The following AZIN1 variants were observed in gnomAD, a reference collection of about 807,000 sequenced individuals.
AZIN1 encodes the protein antizyme inhibitor 1, also known as ornithine decarboxylase antizyme inhibitor.
A neutral mutation model predicts 47.4 loss-of-function variants in AZIN1; 12 were observed. The ratio of observed to expected loss-of-function variants is 0.25; its 90% CI spans 0.16 to 0.41. The LOEUF (loss-of-function observed/expected upper bound fraction) is 0.41. Ranked by LOEUF, AZIN1 falls within the 10% of genes least tolerant of loss-of-function variation. The probability of loss-of-function intolerance (pLI) is 1.00; values close to 1 mark genes in which losing one functional copy is unlikely to be tolerated. For synonymous variants in AZIN1, 155 were observed against 176.3 expected (o/e 0.88, Z 0.96); for missense variants, 410 against 532.4 (o/e 0.77, Z 2.26).
chr8:102,859,066 A>G (rs1467838406), intron 1 of AZIN1: 1 of 152,236 alleles, frequency 6.6e-6, no homozygotes, highest in East Asian at 1.9e-4. Context: ...CACTGTAGGC[A>G]TACCTAAAGT....
At chr8:102,844,345 A>G (rs1393744526) in intron 2 of AZIN1, among the ~76,000 whole-genome samples, 1 of 42,106 alleles carries the variant, frequency 2.4e-5, no homozygotes, top group East Asian at 6.4e-4. Context: ...CGTCTCTCCT[A>G]AAAAAAAAAA....
intron 2 of AZIN1, among the ~76,000 whole-genome samples, chr8:102,847,513 G>C (rs1222714877): frequency 6.6e-6 from 1 of 151,890 alleles, no homozygotes. Context: ...CTTAAACTTA[G>C]GGGTGGTGGT....
chr8:102,848,812 T>G (rs2570942), intron 2 of AZIN1, among the ~76,000 whole-genome samples: 57,161 of 152,122 alleles, frequency 0.38, 11,702 homozygotes, highest in South Asian at 0.46. Context: ...TTGTGACATT[T>G]ATGCCTTACT....
chr8:102,829,101 C>T (rs1811277873), intron 11 of AZIN1, among the ~76,000 whole-genome samples, 171 bp downstream of exon 11: 1 of 152,190 alleles, frequency 6.6e-6, no homozygotes, highest in Non-Finnish European at 1.5e-5. Context: ...ATCATACAAT[C>T]GCCTAATGTT....
At chr8:102,860,978 G>A (rs1398424673) in intron 1 of AZIN1, among the ~76,000 whole-genome samples, 2 of 152,124 alleles carry the variant, frequency 1.3e-5, no homozygotes, top group African/African-American at 4.8e-5. Flanking sequence ...AAACTGGGAA[G>A]ACATGACAAC....
chr8:102,829,189 A>G, intron 11 of AZIN1, 83 bp downstream of exon 11: 1 of 1,190,568 alleles, frequency 8.4e-7, no homozygotes. Flanking sequence ...TAAGTTTAGC[A>G]TTCATTACAG....
At chr8:102,831,615 C>A (rs1243305544) in intron 9 of AZIN1, among the ~76,000 whole-genome samples, 1 of 136,774 alleles carries the variant, frequency 7.3e-6, no homozygotes, top group Non-Finnish European at 1.5e-5. Context: ...TGCATTCCAG[C>A]TTGGGCAACA....
chr8:102,834,683 A>G lies in AZIN1; in HGVS notation c.649T>C (p.Cys217Arg). ...GAACTTACAGCCATGTCAAACACAC[A>G]TCGAGCATCAGATAGAGCATGTACA... ...VYVHALSDAR[C>R]VFDMAGEIGF... Residue 217 changes from cysteine to arginine, a missense_variant, in exon 7 of 12, where the codon TGT (cysteine) becomes CGT (arginine). Transcript: ENST00000337198. 1 of 1,608,980 alleles carries G rather than the reference A, an allele frequency of 6.2e-7. No individual in the cohort carries two copies. The highest frequency in any genetic ancestry group is 1.1e-5 in the South Asian group (1 of 90,218).
At position 102,863,955 on chromosome 8, in the gene AZIN1, G is replaced by A. The variant is rs1802539; in HGVS notation, c.-382C>T. 25,537 of 153,164 alleles carry A rather than the reference G, an allele frequency of 0.17. 2,507 individuals are homozygous for A. The highest frequency in any genetic ancestry group is 0.33 in the South Asian group (1,674 of 5,020). 9.5% of individuals were successfully genotyped at this position (153,164 alleles called of 1,614,324 possible). On this transcript the variant is annotated 5_prime_UTR_variant, in exon 1 of 12. Coordinates refer to ENST00000337198, the MANE Select transcript of AZIN1 (RefSeq NM_148174.4). ...GACTTGGGGGTAAAAGCGCGGCACC[G>A]ACACCAGCTGTGTGCAGCAGTGGCG...
At chr8:102,857,874 T>C (rs567981597) in intron 2 of AZIN1, 139 bp downstream of exon 2, 140 of 395,136 alleles carry the variant, frequency 3.5e-4, no homozygotes, top group African/African-American at 2.7e-3. Context: ...AACTGTCTTA[T>C]CTCTATTTCA....
intron 3 of AZIN1, among the ~76,000 whole-genome samples, chr8:102,840,840 T>C (rs529250593): frequency 2.0e-5 from 3 of 152,348 alleles, no homozygotes; most frequent in East Asian, 3.9e-4. Flanking sequence ...CCAACTGATA[T>C]AAATGCAAAA....
intron 6 of AZIN1, 112 bp downstream of exon 6, chr8:102,836,144 G>GA: frequency 1.6e-6 from 2 of 1,233,032 alleles, no homozygotes; most frequent in Non-Finnish European, 2.3e-6. Flanking sequence ...TAAAAGACTA[G>GA]AAAAAATTGC....
chr8:102,850,321 A>G, intron 2 of AZIN1, among the ~76,000 whole-genome samples: 1 of 152,206 alleles, frequency 6.6e-6, no homozygotes, highest in South Asian at 2.1e-4. Context: ...GCCTAGGTGC[A>G]TTTCTACTTT....
At chr8:102,851,475 A>G (rs1812913888) in intron 2 of AZIN1, among the ~76,000 whole-genome samples, 1 of 152,218 alleles carries the variant, frequency 6.6e-6, no homozygotes. Flanking sequence ...TGGGAGGCTG[A>G]CGCAGGTGGA....
intron 2 of AZIN1, among the ~76,000 whole-genome samples, chr8:102,844,445 T>G (rs1368693052): frequency 1.3e-5 from 2 of 152,182 alleles, no homozygotes; most frequent in East Asian, 3.9e-4. Flanking sequence ...ACAGACTGCC[T>G]AAGCCTTACC....
At chr8:102,848,622 G>C (rs1012445007) in intron 2 of AZIN1, among the ~76,000 whole-genome samples, 1 of 152,142 alleles carries the variant, frequency 6.6e-6, no homozygotes, top group East Asian at 1.9e-4. Flanking sequence ...CAACTGAAAA[G>C]GGACAAGTAG....
At chr8:102,852,783 C>G (rs566513225) in intron 2 of AZIN1, among the ~76,000 whole-genome samples, 1 of 152,258 alleles carries the variant, frequency 6.6e-6, no homozygotes, top group East Asian at 1.9e-4. Flanking sequence ...AGCTAAATAT[C>G]TGCTTTAGTT....
At chr8:102,829,621 T>C in intron 10 of AZIN1, 135 bp from the exon 11 acceptor site, 3 of 905,820 alleles carry the variant, frequency 3.3e-6, no homozygotes, top group Non-Finnish European at 5.1e-6. Context: ...GGCAGGGTGC[T>C]ACTTAAGCCT....
chr8:102,852,910 G>A (rs1295982393), intron 2 of AZIN1, among the ~76,000 whole-genome samples: 1 of 152,170 alleles, frequency 6.6e-6, no homozygotes, highest in Non-Finnish European at 1.5e-5. Context: ...ACTTGGAAGA[G>A]TCTCCTTAGG....
Sources: gnomAD v4.1 joint callset for allele counts (sites outside exome capture counted in the v4.1 genomes callset) on GRCh38, gnomAD v4.1.1 for gene constraint, MANE v1.5 for transcripts, NCBI Gene and HGNC (gene_info 2026-07-23, HGNC 2026-07-21) for gene names.